The following DHX57 variants were observed in gnomAD, a reference collection of about 807,000 sequenced individuals.
DHX57 encodes DExH-box helicase 57.
A neutral mutation model predicts 156.2 loss-of-function variants in DHX57; 105 were observed. The observed-to-expected ratio is 0.67, with a 90% CI of 0.57 to 0.79. The LOEUF (loss-of-function observed/expected upper bound fraction) is 0.79. Ranked by LOEUF, DHX57 falls within the 30% of genes least tolerant of loss-of-function variation. DHX57 has a pLI of 0.00. For missense variants in DHX57, 1,847 were observed against 1,661.9 expected (o/e 1.11, Z -1.94); for synonymous variants, 704 against 595.6 (o/e 1.18, Z -2.65).
intron 1 of DHX57, among the ~76,000 whole-genome samples, chr2:38,871,912 G>T (rs1665374543): frequency 6.6e-6 from 1 of 152,046 alleles, no homozygotes; most frequent in Admixed American, 6.6e-5. Context: ...GTTTCACCAT[G>T]TTAGCCAGGA....
chr2:38,863,464 C>T lies in DHX57; in HGVS notation c.280G>A (p.Ala94Thr). Reference sequence around the variant, plus strand: ...TGTAGAGTCTGAAGGGGTACTTTGGCTTTGGGTTTCCATTTTGGGCGTGAC... The same window carrying T: ...TGTAGAGTCTGAAGGGGTACTTTGGTTTTGGGTTTCCATTTTGGGCGTGAC... ...GESRPKWKPK[A>T]KVPLQTLHMT... Residue 94 changes from alanine to threonine, a missense_variant, in exon 3 of 24, where the codon GCC becomes ACC. Ala to Thr is a moderately conservative substitution (Grantham distance 58). Transcript: ENST00000457308. The T allele has an allele frequency of 6.2e-7, 1 of 1,614,056 alleles. No individual in the cohort carries two copies. The highest frequency in any genetic ancestry group is 1.3e-5 in the African/African-American group (1 of 75,010).
intron 21 of DHX57, chr2:38,810,411 C>A (rs555283116): frequency 1.9e-4 from 99 of 513,628 alleles, no homozygotes; most frequent in African/African-American, 1.7e-3. Flanking sequence ...TGAGGTGGCC[C>A]TAGCTCCCCA....
At position 38,856,647 on chromosome 2, in the gene DHX57, G is replaced by A. The variant is rs973302872; in HGVS notation, c.1588-186C>T. On this transcript the variant is annotated intron_variant, in intron 6 of 23. Coordinates refer to ENST00000457308, the MANE Select transcript of DHX57 (RefSeq NM_198963.3). ...AGCTCCCAAGTAGCTGGGACTACAGGTGTGTGCCACTATACCCGGCTTTTT... is the reference window on the plus strand; with the variant it reads ...AGCTCCCAAGTAGCTGGGACTACAGATGTGTGCCACTATACCCGGCTTTTT... 1.1e-5 allele frequency: 7 copies of A among 634,032 alleles called. No individual in the cohort carries two copies. In the African/African-American group the frequency reaches 1.1e-4, roughly 10 times the overall value. The allele number at this position is 634,032 out of a possible 1,614,324, so 39.3% of individuals were successfully genotyped here. A position where few individuals can be genotyped will look rare whatever the true frequency, so the allele number is the denominator to read the frequency against.
intron 2 of DHX57, among the ~76,000 whole-genome samples, chr2:38,864,999 T>C (rs1664991121): frequency 6.6e-6 from 1 of 152,182 alleles, no homozygotes; most frequent in African/African-American, 2.4e-5. Context: ...CAATTCGATC[T>C]TATTGGCTAC....
At chr2:38,827,976 C>A (rs3112149) in intron 14 of DHX57, among the ~76,000 whole-genome samples, 53,998 of 151,838 alleles carry the variant, frequency 0.36, 9,793 homozygotes, top group Admixed American at 0.37. Context: ...CCTGCCTCAG[C>A]CTCTTGAGTA....
rs971819607 is a variant in DHX57 at position 38,813,766 on chromosome 2, A to C, written c.3681+55T>G. The C allele has an allele frequency of 1.9e-6, 3 of 1,583,104 alleles. No individual in the cohort carries two copies. The Admixed American group carries it at 5.0e-5, about 27-fold the overall frequency. ...TAATATGCACATCTTAACTTACATC[A>C]CTTGGCTACAAATCAAACAAAAAAT... is the stretch of plus-strand genomic sequence containing the variant. On this transcript the variant is annotated intron_variant, in intron 21 of 23. Transcript: ENST00000457308.
At chr2:38,822,133 G>A (rs1670850634) in intron 17 of DHX57, among the ~76,000 whole-genome samples, 1 of 152,036 alleles carries the variant, frequency 6.6e-6, no homozygotes, top group African/African-American at 2.4e-5. Flanking sequence ...TGCCCAGGCT[G>A]GAGTGCAATG....
At chr2:38,841,275 G>A (rs1322484211) in intron 12 of DHX57, among the ~76,000 whole-genome samples, 2 of 152,180 alleles carry the variant, frequency 1.3e-5, no homozygotes, top group East Asian at 3.8e-4. Flanking sequence ...TATCCTTGTG[G>A]GTTTGTATTA....
chr2:38,861,989 C>G (rs575177814), intron 4 of DHX57, 152 bp from the exon 5 acceptor site: 333 of 1,218,230 alleles, frequency 2.7e-4, no homozygotes, highest in Non-Finnish European at 3.6e-4. Context: ...AATAAGCCCC[C>G]CTGAATGACC....
intron 14 of DHX57, 35 bp downstream of exon 14, chr2:38,828,305 T>C (rs763398322): frequency 4.4e-5 from 68 of 1,538,740 alleles, no homozygotes; most frequent in Non-Finnish European, 5.8e-5. Flanking sequence ...GTAACTGCAA[T>C]GGATGATTAA....
intron 11 of DHX57, among the ~76,000 whole-genome samples, chr2:38,845,589 C>T (rs918421801): frequency 2.0e-5 from 3 of 151,990 alleles, no homozygotes; most frequent in African/African-American, 4.8e-5. Context: ...TGGGAGTTCT[C>T]GGCACAGGGA....
intron 1 of DHX57, 25 bp from the exon 2 acceptor site, chr2:38,868,436 G>C: frequency 1.2e-6 from 2 of 1,604,418 alleles, no homozygotes; most frequent in Non-Finnish European, 8.5e-7. Flanking sequence ...AATTAATGTA[G>C]ACATCATAAA....
chr2:38,872,053 C>T (rs977131840), intron 1 of DHX57, among the ~76,000 whole-genome samples: 2 of 152,156 alleles, frequency 1.3e-5, no homozygotes, highest in African/African-American at 4.8e-5. Flanking sequence ...ATGCTAGTGA[C>T]ATTAAACCAT....
intron 9 of DHX57, 120 bp from the exon 10 acceptor site, chr2:38,848,522 A>G (rs1672410883): frequency 9.6e-7 from 1 of 1,039,090 alleles, no homozygotes. Context: ...AAAACCATTA[A>G]CGTTCATAGA....
At chr2:38,827,509 T>A (rs55677838) in intron 14 of DHX57, among the ~76,000 whole-genome samples, 25,898 of 42,018 alleles carry the variant, frequency 0.62, 7,988 homozygotes, top group East Asian at 0.76. Flanking sequence ...AAAAAAAATA[T>A]ATATATATAT....
At chr2:38,843,909 A>G (rs922172824) in intron 11 of DHX57, among the ~76,000 whole-genome samples, 2 of 152,154 alleles carry the variant, frequency 1.3e-5, no homozygotes, top group African/African-American at 4.8e-5. Context: ...TCAAAGCCCC[A>G]AGGAAAGGTA....
intron 23 of DHX57, among the ~76,000 whole-genome samples, chr2:38,800,114 G>T (rs995601780): frequency 6.6e-6 from 1 of 151,194 alleles, no homozygotes; most frequent in African/African-American, 2.4e-5. Flanking sequence ...GAACACGGGA[G>T]GCAGAGGCTG....
intron 21 of DHX57, chr2:38,811,303 A>G (rs1670233086): frequency 5.7e-6 from 3 of 525,830 alleles, no homozygotes; most frequent in Admixed American, 4.4e-5. Context: ...ACCAGACCTG[A>G]TCGTTCCCCT....
At position 38,837,875 on chromosome 2, in the gene DHX57, G is replaced by A; in HGVS notation, c.2498C>T (p.Ala833Val). The change falls in exon 13 of 24, where the codon GCC becomes GTC. Residue 833 changes from alanine (A) to valine (V), a missense_variant. Ala to Val is a moderately conservative substitution (Grantham distance 64). Transcript: ENST00000457308. The stretch of plus-strand genomic sequence containing the variant: ...TCCATCCACAATCCACTCTAATAAG[G>A]CCTCTATTAATTCAAGATTCACCTT... Reference protein sequence around the residue: ...FEKVNLELIEALLEWIVDGKH... With the variant: ...FEKVNLELIEVLLEWIVDGKH... 1.2e-6 allele frequency: 2 copies of A among 1,613,366 alleles called. No homozygotes were observed. Among genetic ancestry groups the A allele is most frequent in the African/African-American group, 1.3e-5 (1 of 74,978 alleles).
Sources: gnomAD v4.1 joint callset for allele counts (sites outside exome capture counted in the v4.1 genomes callset) on GRCh38, gnomAD v4.1.1 for gene constraint, MANE v1.5 for transcripts, NCBI Gene and HGNC (gene_info 2026-07-23, HGNC 2026-07-21) for gene names.